Variants in SHOC2 observed in about 807,000 individuals in gnomAD.
SHOC2 encodes leucine-rich repeat protein SHOC-2.
A neutral mutation model predicts 50.2 loss-of-function variants in SHOC2; 4 were observed. The ratio of observed to expected loss-of-function variants is 0.08; its 90% CI spans 0.04 to 0.18. The LOEUF is 0.18. SHOC2 is among the 10% of genes least tolerant of loss of function. The pLI, the probability that SHOC2 is intolerant of heterozygous loss-of-function variation, is 1.00. For synonymous variants in SHOC2, 218 were observed against 244.5 expected (o/e 0.89, Z 1.01); for missense variants, 388 against 669.6 (o/e 0.58, Z 4.64).
intron 1 of SHOC2, among the ~76,000 whole-genome samples, chr10:110,947,123 A>T (rs1454964770): frequency 2.0e-5 from 3 of 152,186 alleles, no homozygotes; most frequent in African/African-American, 7.2e-5. Flanking sequence ...GCAGCACAGT[A>T]TGGAGATAGA....
intron 1 of SHOC2, among the ~76,000 whole-genome samples, chr10:110,947,925 C>T (rs1847278382): frequency 6.6e-6 from 1 of 152,026 alleles, no homozygotes; most frequent in African/African-American, 2.4e-5. Flanking sequence ...AATCAAAAGG[C>T]AGAGTTTTTT....
At chr10:110,993,845 G>GT (rs1248463983) in intron 3 of SHOC2, among the ~76,000 whole-genome samples, 1 of 152,084 alleles carries the variant, frequency 6.6e-6, no homozygotes, top group African/African-American at 2.4e-5. Flanking sequence ...ACCACAGAAA[G>GT]TTTTTTAGTT....
chr10:110,926,733 G>A (rs996336783), intron 1 of SHOC2, among the ~76,000 whole-genome samples: 1 of 152,090 alleles, frequency 6.6e-6, no homozygotes, highest in Non-Finnish European at 1.5e-5. Flanking sequence ...AGTAAATTTT[G>A]TTAATAACCT....
intron 3 of SHOC2, among the ~76,000 whole-genome samples, chr10:110,996,622 T>C (rs1300749404): frequency 6.6e-6 from 1 of 152,086 alleles, no homozygotes; most frequent in East Asian, 1.9e-4. Flanking sequence ...GTGACTGACT[T>C]GGAAGGGATG....
chr10:110,974,098 A>G (rs1847832852), intron 2 of SHOC2, among the ~76,000 whole-genome samples: 1 of 151,992 alleles, frequency 6.6e-6, no homozygotes, highest in Non-Finnish European at 1.5e-5. Context: ...TTGGTCAATT[A>G]GATTGATTTC....
chr10:110,985,079 G>A (rs1399202313), intron 2 of SHOC2, among the ~76,000 whole-genome samples: 1 of 152,102 alleles, frequency 6.6e-6, no homozygotes, highest in Non-Finnish European at 1.5e-5. Flanking sequence ...CATTTTGGTA[G>A]TGAAAATTCA....
At chr10:111,004,583 T>A (rs201111007) in intron 4 of SHOC2, 23 bp from the exon 5 acceptor site, 6 of 1,539,906 alleles carry the variant, frequency 3.9e-6, no homozygotes, top group African/African-American at 1.4e-5. Context: ...CTAATTCTTA[T>A]GTTTATTTCA....
intron 3 of SHOC2, among the ~76,000 whole-genome samples, chr10:110,992,426 T>C (rs916892887): frequency 7.9e-5 from 12 of 152,234 alleles, no homozygotes; most frequent in African/African-American, 2.7e-4. Flanking sequence ...CCAACAGTTA[T>C]TTTGTTTTAA....
intron 3 of SHOC2, chr10:110,986,026 G>A (rs1461951205): frequency 2.8e-6 from 1 of 361,568 alleles, no homozygotes; most frequent in Admixed American, 4.0e-5. Context: ...GTCATAGTTT[G>A]AATTGCAAAA....
chr10:110,984,665 A>T (rs540338497), intron 2 of SHOC2, among the ~76,000 whole-genome samples: 2 of 152,214 alleles, frequency 1.3e-5, no homozygotes, highest in South Asian at 2.1e-4. Flanking sequence ...CCAATTAAAA[A>T]TGAAAAGGTT....
chr10:110,953,116 G>A (rs907125835), intron 1 of SHOC2, among the ~76,000 whole-genome samples: 2 of 152,058 alleles, frequency 1.3e-5, no homozygotes, highest in African/African-American at 4.8e-5. Flanking sequence ...GGTATTTCTG[G>A]TTCTAGATCC....
chr10:110,987,437 T>G (rs1172947852), intron 3 of SHOC2, among the ~76,000 whole-genome samples: 1 of 152,122 alleles, frequency 6.6e-6, no homozygotes, highest in Non-Finnish European at 1.5e-5. Context: ...TATGTTTCCC[T>G]GATTTTTGGC....
At chr10:110,985,791 A>T in intron 3 of SHOC2, 26 bp downstream of exon 3, 1 of 1,575,170 alleles carries the variant, frequency 6.3e-7, no homozygotes, top group Non-Finnish European at 8.7e-7. Flanking sequence ...GGAGATATTG[A>T]TAGCTGTTAA....
At chr10:110,992,764 T>C (rs1428653343) in intron 3 of SHOC2, among the ~76,000 whole-genome samples, 1 of 152,210 alleles carries the variant, frequency 6.6e-6, no homozygotes, top group Non-Finnish European at 1.5e-5. Flanking sequence ...TTCTTTTTAA[T>C]GGTGGTGTTC....
intron 1 of SHOC2, among the ~76,000 whole-genome samples, chr10:110,926,119 C>T (rs548707184): frequency 4.3e-4 from 65 of 152,302 alleles, no homozygotes; most frequent in Middle Eastern, 3.4e-3. Context: ...TTCCTTTCAT[C>T]CCTAGTTAGG....
chr10:111,009,645 T>C, intron 7 of SHOC2, 68 bp from the exon 8 acceptor site: 4 of 978,542 alleles, frequency 4.1e-6, no homozygotes, highest in South Asian at 2.7e-5. Context: ...TTTAGACATA[T>C]TATTTTCAGT....
In SHOC2 at chr10:110,923,834, A is replaced by T. The variant is rs915656790; in HGVS notation, c.-235+4177A>T. Among the ~76,000 whole-genome samples, 12 of 152,316 alleles carry T rather than the reference A, an allele frequency of 7.9e-5. No homozygotes were observed. The East Asian group carries it at 1.7e-3, about 22-fold the overall frequency. On this transcript the variant is annotated intron_variant, in intron 1 of 8. Coordinates refer to ENST00000369452, the MANE Select transcript of SHOC2 (RefSeq NM_007373.4). ...GTTGATAGCACTAGGAAGACTTCTA[A>T]CGTTTAAATACTTTATTTGCCCTCA...
intron 1 of SHOC2, among the ~76,000 whole-genome samples, chr10:110,932,153 CAGG>C (rs1170367311): frequency 1.3e-5 from 2 of 152,156 alleles, no homozygotes; most frequent in African/African-American, 4.8e-5. Context: ...GTCCTTGAGA[CAGG>C]AGATAGAAGA....
chr10:110,994,203 C>G (rs556756919), intron 3 of SHOC2, among the ~76,000 whole-genome samples: 2 of 152,142 alleles, frequency 1.3e-5, no homozygotes, highest in African/African-American at 4.8e-5. Flanking sequence ...TCTTTGTAAT[C>G]AGACATGATC....
Sources: gnomAD v4.1 joint callset for allele counts (sites outside exome capture counted in the v4.1 genomes callset) on GRCh38, gnomAD v4.1.1 for gene constraint, MANE v1.5 for transcripts, NCBI Gene and HGNC (gene_info 2026-07-23, HGNC 2026-07-21) for gene names.